RIOX2: variants seen among roughly 807,000 people sequenced by gnomAD.
RIOX2 encodes 60S ribosomal protein L27a histidine hydroxylase.
A neutral mutation model predicts 51.2 loss-of-function variants in RIOX2; 43 were observed. The observed-to-expected ratio is 0.84, with a 90% CI of 0.66 to 1.08. RIOX2 has a LOEUF of 1.08. RIOX2 is among the 50% of genes least tolerant of loss of function. The pLI is 0.00. For synonymous variants in RIOX2, 226 were observed against 218.5 expected, an observed-to-expected ratio of 1.03 and a Z score of -0.30; for missense variants, 566 against 561.7, an observed-to-expected ratio of 1.01 and a Z score of -0.08.
chr3:97,950,281 G>A (rs1193499289), intron 6 of RIOX2, among the ~76,000 whole-genome samples: 1 of 152,180 alleles, frequency 6.6e-6, no homozygotes, highest in East Asian at 1.9e-4. Context: ...GGTACAGTCT[G>A]AGCTCTGCCT....
Position 97,947,400 on chromosome 3 carries a change from G to A in RIOX2, c.1110C>T (p.Asp370=). 2 of 1,613,472 alleles carry A rather than the reference G, an allele frequency of 1.2e-6. No homozygotes were observed. Among genetic ancestry groups the A allele is most frequent in the Non-Finnish European group, 1.7e-6 (2 of 1,179,566 alleles). The part of the protein sequence containing the change: ...LDSVVRLQFK[D]HIVLTVLPDQ... Reference sequence around the variant, plus strand: ...CCGGCAGTACTGTGAGGACAATGTGGTCTTTAAACTGCAGTCTCACTACAC... The same window carrying A: ...CCGGCAGTACTGTGAGGACAATGTGATCTTTAAACTGCAGTCTCACTACAC... The change falls in exon 8 of 10, where the codon GAC becomes GAT. Residue 370 remains aspartate (D), a synonymous_variant. Transcript: ENST00000394198.
chr3:97,956,256 A>G (rs542369756), intron 4 of RIOX2, among the ~76,000 whole-genome samples: 2 of 152,232 alleles, frequency 1.3e-5, no homozygotes, highest in African/African-American at 4.8e-5. Flanking sequence ...GCACATGACT[A>G]TATTTCATTC....
chr3:97,945,617 G>A, intron 9 of RIOX2, 181 bp downstream of exon 9: 1 of 620,512 alleles, frequency 1.6e-6, no homozygotes. Context: ...AAACTGGTGT[G>A]CATGTATCAC....
In RIOX2 at chr3:97,961,646, A is replaced by C. The variant is rs1390965769; in HGVS notation, c.495T>G (p.Asn165Lys). 6.2e-7 allele frequency: 1 copy of C among 1,612,856 alleles called. No individual in the cohort carries two copies. The highest frequency in any genetic ancestry group is 2.2e-5 in the East Asian group (1 of 44,774). Residue 165 changes from asparagine to lysine, a missense_variant, in exon 3 of 10, where the codon AAT becomes AAG. By Grantham distance (94) the Asn-to-Lys change is moderately conservative. Transcript: ENST00000394198. Reference protein sequence around the residue: ...ECYFGSLVGSNVYITPAGSQG... With the variant: ...ECYFGSLVGSKVYITPAGSQG... ...GAGATCCTGCGGGAGTTATGTACAC[A>C]TTCGAGCCAACCAAGGAGCCAAAGT...
rs117414889 is a variant in RIOX2 at position 97,955,680 on chromosome 3, T to C, written c.682-1185A>G. 8.7e-4 allele frequency among the ~76,000 whole-genome samples: 132 copies of C among 152,330 alleles called. No individual in the cohort carries two copies. The East Asian group carries it at 0.025, about 29-fold the overall frequency. The stretch of plus-strand genomic sequence containing the variant: ...ATAACTATCATTTACTGAGTGTCTC[T>C]GTGCCAGCCTGAGTGAGACTCTCAG... On this transcript the variant is annotated intron_variant, in intron 4 of 9. Transcript: ENST00000394198.
Position 97,945,013 on chromosome 3 carries a change from A to G in RIOX2, c.*171T>C. 2.1e-6 allele frequency: 1 copy of G among 470,564 alleles called. No homozygotes were observed. The highest frequency in any genetic ancestry group is 3.7e-6 in the Non-Finnish European group (1 of 268,920). 29.1% of individuals were successfully genotyped at this position (470,564 alleles called of 1,614,324 possible). ...TTGGTAATTTGCTGTTCTTTCTTTC[A>G]TGTGCCCGTTAGTACATTTGGCCAA... On this transcript the variant is annotated 3_prime_UTR_variant, in exon 10 of 10. Transcript: ENST00000394198.
intron 7 of RIOX2, among the ~76,000 whole-genome samples, chr3:97,949,350 T>A (rs1047735146): frequency 6.6e-6 from 1 of 152,096 alleles, no homozygotes; most frequent in African/African-American, 2.4e-5. Flanking sequence ...CCACTGTGAG[T>A]AGCCTGAGGT....
At chr3:97,969,744 T>C (rs1327931035) in intron 1 of RIOX2, among the ~76,000 whole-genome samples, 1 of 152,230 alleles carries the variant, frequency 6.6e-6, no homozygotes, top group Non-Finnish European at 1.5e-5. Context: ...AACTAGTTGC[T>C]GGAGCAACTG....
In RIOX2 at chr3:97,943,037, C is replaced by T. The variant is rs150260272; in HGVS notation, c.*2147G>A. ...TACCTTTTAGTATTTCAATTTGAGT[C>T]ATAATAAGGTCCAATTTGAGGTGAA... On this transcript the variant is annotated 3_prime_UTR_variant, in exon 10 of 10. Coordinates refer to ENST00000394198, the MANE Select transcript of RIOX2 (RefSeq NM_153182.4). 2.2e-3 allele frequency: 1,227 copies of T among 556,962 alleles called. 15 individuals carry two copies. Among genetic ancestry groups the T allele is most frequent in the African/African-American group, 0.02 (1,032 of 51,276 alleles). 34.5% of individuals were successfully genotyped at this position (556,962 alleles called of 1,614,324 possible).
In RIOX2 at chr3:97,967,485, T is replaced by A; in HGVS notation, c.109A>T (p.Ser37Cys). The change falls in exon 2 of 10, where the codon AGT becomes TGT. Residue 37 changes from serine to cysteine, a missense_variant. Coordinates refer to ENST00000394198, the MANE Select transcript of RIOX2 (RefSeq NM_153182.4). ...AAACTTTCAAAGAGACTACTGGGACTGTCAAAGTTTAAAGCTGAAGGCCCC... is the reference window on the plus strand; with the variant it reads ...AAACTTTCAAAGAGACTACTGGGACAGTCAAAGTTTAAAGCTGAAGGCCCC... ...AGGPSALNFD[S>C]PSSLFESLIS... is the part of the protein sequence containing the mutation. 6.2e-7 allele frequency: 1 copy of A among 1,614,208 alleles called. No homozygotes were observed. Among genetic ancestry groups the A allele is most frequent in the East Asian group, 2.2e-5 (1 of 44,876 alleles).
intron 8 of RIOX2, among the ~76,000 whole-genome samples, chr3:97,946,604 A>ATATATATATATATATATATC (rs1553712244): frequency 1.6e-4 from 23 of 139,718 alleles, no homozygotes; most frequent in African/African-American, 1.9e-4. Context: ...ATATATATAT[A>ATATATATATATATATATATC]TATCTATTCA....
intron 4 of RIOX2, among the ~76,000 whole-genome samples, chr3:97,957,630 G>A (rs1705500831): frequency 6.6e-6 from 1 of 152,036 alleles, no homozygotes; most frequent in African/African-American, 2.4e-5. Context: ...ATGGGCATGG[G>A]CATGGCAACA....
intron 1 of RIOX2, among the ~76,000 whole-genome samples, chr3:97,970,207 A>C (rs1423497271): frequency 6.6e-6 from 1 of 152,252 alleles, no homozygotes; most frequent in Non-Finnish European, 1.5e-5. Flanking sequence ...CACTTAAAAG[A>C]ATCTTTCCCA....
At chr3:97,946,604 A>ATATATATATATATATATATCTATC (rs1553712244) in intron 8 of RIOX2, among the ~76,000 whole-genome samples, 17 of 139,718 alleles carry the variant, frequency 1.2e-4, no homozygotes, top group African/African-American at 3.8e-4. Flanking sequence ...ATATATATAT[A>ATATATATATATATATATATCTATC]TATCTATTCA....
chr3:97,950,666 C>A, intron 6 of RIOX2, 120 bp downstream of exon 6: 1 of 749,046 alleles, frequency 1.3e-6, no homozygotes, highest in Non-Finnish European at 2.3e-6. Context: ...CTCAGCAGTG[C>A]AGCACAGTAG....
At position 97,943,088 on chromosome 3, in the gene RIOX2, G is replaced by C; in HGVS notation, c.*2096C>G. 3.3e-6 allele frequency: 2 copies of C among 605,740 alleles called. No individual in the cohort carries two copies. The highest frequency in any genetic ancestry group is 6.2e-5 in the Admixed American group (2 of 32,050). The allele number at this position is 605,740 out of a possible 1,614,324, so 37.5% of individuals were successfully genotyped here. On this transcript the variant is annotated 3_prime_UTR_variant, in exon 10 of 10. Transcript: ENST00000394198. Reference sequence around the variant, plus strand: ...TAATGGCTAAGCCTGTTCAAACTCAGCTTCCCATTTCAGACTTCTTTGTAA... The same window carrying C: ...TAATGGCTAAGCCTGTTCAAACTCACCTTCCCATTTCAGACTTCTTTGTAA...
chr3:97,961,336 C>T lies in RIOX2; in HGVS notation c.552+253G>A, dbSNP rs183983248. Among the ~76,000 whole-genome samples the T allele has an allele frequency of 1.4e-4, 21 of 152,302 alleles. No homozygotes were observed. In the East Asian group the frequency reaches 1.9e-3, roughly 14 times the overall value. On this transcript the variant is annotated intron_variant, in intron 3 of 9. Transcript: ENST00000394198. ...AAATTCAATAAATACTTGTTTCAGACGAATGTGTGGCTCTTTAAATTAGTA... is the reference window on the plus strand; with the variant it reads ...AAATTCAATAAATACTTGTTTCAGATGAATGTGTGGCTCTTTAAATTAGTA...
intron 4 of RIOX2, among the ~76,000 whole-genome samples, chr3:97,956,847 C>A (rs550638773): frequency 2.0e-5 from 3 of 152,276 alleles, no homozygotes; most frequent in East Asian, 3.9e-4. Context: ...ATCCTCATAG[C>A]CTGCAAGGTA....
At chr3:97,960,675 C>T (rs376424620) in intron 3 of RIOX2, among the ~76,000 whole-genome samples, 23 of 152,282 alleles carry the variant, frequency 1.5e-4, no homozygotes, top group African/African-American at 4.8e-4. Context: ...TTTTTAAAAA[C>T]GGAATCGTGA....
Sources: allele counts gnomAD v4.1 joint callset (sites outside exome capture counted in the v4.1 genomes callset), GRCh38; gene constraint gnomAD v4.1.1; transcripts MANE v1.5; gene names NCBI Gene and HGNC (gene_info 2026-07-23, HGNC 2026-07-21).